ROR1: variants seen among roughly 807,000 people sequenced by gnomAD.
The protein encoded by ROR1 is inactive tyrosine-protein kinase transmembrane receptor ROR1.
ROR1 carries 19 observed loss-of-function variants against 78.8 expected under a neutral mutation model. The ratio of observed to expected loss-of-function variants is 0.24; its 90% confidence interval spans 0.17 to 0.35. The LOEUF (loss-of-function observed/expected upper bound fraction) is 0.35, where lower values mean the gene tolerates loss of function less well. ROR1 is among the 10% of genes least tolerant of loss of function. The pLI is 1.00. For synonymous variants in ROR1, 386 were observed against 433.6 expected (o/e 0.89, Z 1.36); for missense variants, 917 against 1,177.8 (o/e 0.78, Z 3.24).
chr1:63,878,295 G>A (rs1328633489), intron 1 of ROR1, among the ~76,000 whole-genome samples: 3 of 152,200 alleles, frequency 2.0e-5, no homozygotes, highest in Non-Finnish European at 2.9e-5. Context: ...GTATTTGCAA[G>A]CGTTTTTATA....
intron 1 of ROR1, among the ~76,000 whole-genome samples, chr1:63,975,903 G>A (rs1468704253): frequency 6.6e-6 from 1 of 152,194 alleles, no homozygotes; most frequent in Non-Finnish European, 1.5e-5. Flanking sequence ...GACGGCATTT[G>A]TTGGCTGAAG....
intron 8 of ROR1, 66 bp downstream of exon 8, chr1:64,159,258 C>A (rs1649867611): frequency 1.6e-6 from 2 of 1,219,464 alleles, no homozygotes; most frequent in South Asian, 2.5e-5. Context: ...ATGTTATAAC[C>A]CTCCCAAGCT....
intron 4 of ROR1, among the ~76,000 whole-genome samples, chr1:64,074,346 A>G (rs1003614152): frequency 1.1e-4 from 16 of 152,136 alleles, no homozygotes; most frequent in African/African-American, 3.9e-4. Flanking sequence ...TAACTATTTA[A>G]GGGATTAAAT....
chr1:63,778,748 A>G lies in ROR1; in HGVS notation c.91+4240A>G, dbSNP rs532175239. 3.3e-5 allele frequency among the ~76,000 whole-genome samples: 5 copies of G among 152,336 alleles called. No homozygotes were observed. The East Asian group carries it at 7.7e-4, about 24-fold the overall frequency. ...ACAACCCTATAAGGGAGATAGCATA[A>G]TTAGCTCATTTTACTGATGGGTAAA... is the stretch of plus-strand genomic sequence containing the variant. On this transcript the variant is annotated intron_variant, in intron 1 of 8. Coordinates refer to ENST00000371079, the MANE Select transcript of ROR1 (RefSeq NM_005012.4).
chr1:63,789,787 A>G (rs1485670539), intron 1 of ROR1, among the ~76,000 whole-genome samples: 1 of 151,094 alleles, frequency 6.6e-6, no homozygotes, highest in African/African-American at 2.4e-5. Flanking sequence ...GTGAGGAGGA[A>G]TGGTGTTTAA....
At chr1:63,827,702 A>G (rs1644964044) in intron 1 of ROR1, among the ~76,000 whole-genome samples, 1 of 152,226 alleles carries the variant, frequency 6.6e-6, no homozygotes, top group African/African-American at 2.4e-5. Flanking sequence ...TGCCATGAAA[A>G]TAGTAAGTTT....
Position 63,792,135 on chromosome 1 carries a change from T to C in ROR1, c.91+17627T>C, listed in dbSNP as rs557007258. On this transcript the variant is annotated intron_variant, in intron 1 of 8. Coordinates refer to ENST00000371079, the MANE Select transcript of ROR1 (RefSeq NM_005012.4). ...CTGGCAGGCCTCTAGGTTTAGGGGA[T>C]TTGAGCAGAGAGACCTGTGTGAAGG... Among the ~76,000 whole-genome samples, 6 of 152,134 alleles carry C rather than the reference T, an allele frequency of 3.9e-5. No homozygotes were observed. In the South Asian group the frequency reaches 1.3e-3, roughly 32 times the overall value.
chr1:63,972,427 C>T (rs1213243264), intron 1 of ROR1, among the ~76,000 whole-genome samples: 1 of 152,186 alleles, frequency 6.6e-6, no homozygotes, highest in Non-Finnish European at 1.5e-5. Context: ...TCATGTCTTG[C>T]TCAAGTTTGT....
chr1:63,995,476 T>C (rs566258646), intron 1 of ROR1, among the ~76,000 whole-genome samples: 6 of 152,328 alleles, frequency 3.9e-5, no homozygotes, highest in Non-Finnish European at 8.8e-5. Flanking sequence ...TTCACAACAA[T>C]GAAAGTAAGT....
intron 1 of ROR1, among the ~76,000 whole-genome samples, chr1:63,999,442 C>G (rs1023973056): frequency 6.6e-6 from 1 of 152,186 alleles, no homozygotes; most frequent in African/African-American, 2.4e-5. Flanking sequence ...CCACATAAGC[C>G]TCATCACCAA....
intron 8 of ROR1, among the ~76,000 whole-genome samples, chr1:64,172,840 G>A (rs1417546739): frequency 1.3e-5 from 2 of 152,122 alleles, no homozygotes; most frequent in South Asian, 2.1e-4. Flanking sequence ...TCAAGCAGAG[G>A]TCATTTCACT....
intron 1 of ROR1, among the ~76,000 whole-genome samples, chr1:63,800,848 T>C (rs1644792665): frequency 1.3e-5 from 2 of 152,216 alleles, no homozygotes; most frequent in Admixed American, 1.3e-4. Flanking sequence ...GGATGTAGCA[T>C]GGTGAAGTTT....
At chr1:64,145,613 T>G (rs12138666) in intron 7 of ROR1, among the ~76,000 whole-genome samples, 23,716 of 152,216 alleles carry the variant, frequency 0.16, 2,101 homozygotes, top group Non-Finnish European at 0.2. Flanking sequence ...AATTATTCTG[T>G]ATTTTGTAAT....
intron 1 of ROR1, among the ~76,000 whole-genome samples, chr1:63,845,099 T>C (rs1289682421): frequency 6.6e-6 from 1 of 152,184 alleles, no homozygotes; most frequent in Non-Finnish European, 1.5e-5. Context: ...TGGAGACTCT[T>C]TGGGAGTTTA....
chr1:64,178,653 T>G lies in ROR1; in HGVS notation c.2612T>G (p.Leu871Trp), dbSNP rs766719846. Reference sequence around the variant, plus strand: ...ACTAGCACTGGCCATGTGACTAGCTTGCCCTCATCAGGATCCAATCAGGAA... The same window carrying G: ...ACTAGCACTGGCCATGTGACTAGCTGGCCCTCATCAGGATCCAATCAGGAA... ...GSTSTGHVTS[L>W]PSSGSNQEAN... Residue 871 changes from leucine (L) to tryptophan (W), a missense_variant, in exon 9 of 9, where the codon TTG becomes TGG. Coordinates refer to ENST00000371079, the MANE Select transcript of ROR1 (RefSeq NM_005012.4). The surrounding 1 kb of genome is among the most constrained non-coding windows in gnomAD (Gnocchi z 4.3). 1 of 1,614,042 alleles carries G rather than the reference T, an allele frequency of 6.2e-7. No homozygotes were observed. Among genetic ancestry groups the G allele is most frequent in the African/African-American group, 1.3e-5 (1 of 74,922 alleles).
intron 4 of ROR1, chr1:64,105,673 C>T (rs539620958): frequency 3.9e-5 from 6 of 152,106 alleles, no homozygotes; most frequent in South Asian, 2.1e-4. Flanking sequence ...GTTTTCTGCA[C>T]GTGGCTAGAC....
At chr1:63,845,591 G>A (rs1349205239) in intron 1 of ROR1, among the ~76,000 whole-genome samples, 1 of 152,066 alleles carries the variant, frequency 6.6e-6, no homozygotes, top group Non-Finnish European at 1.5e-5. Flanking sequence ...GATGATGCTG[G>A]AGTATTTCTT....
intron 1 of ROR1, among the ~76,000 whole-genome samples, chr1:63,904,157 G>A (rs1236903417): frequency 6.6e-6 from 1 of 152,154 alleles, no homozygotes; most frequent in Non-Finnish European, 1.5e-5. Context: ...GGAAGAGTGT[G>A]ACAAGATTGC....
At chr1:63,996,652 G>A (rs577286834) in intron 1 of ROR1, among the ~76,000 whole-genome samples, 19 of 152,242 alleles carry the variant, frequency 1.2e-4, no homozygotes, top group African/African-American at 3.6e-4. Flanking sequence ...CAGCCAGAAG[G>A]TATAAATCAC....
Sources: gnomAD v4.1 joint callset for allele counts (sites outside exome capture counted in the v4.1 genomes callset) on GRCh38, gnomAD v4.1.1 for gene constraint, Gnocchi (gnomAD v3.1) non-coding constraint, MANE v1.5 for transcripts, NCBI Gene and HGNC (gene_info 2026-07-23, HGNC 2026-07-21) for gene names.